The following DNAAF5 variants were observed in gnomAD, a reference collection of about 807,000 sequenced individuals.
The protein encoded by DNAAF5 is dynein axonemal assembly factor 5.
A neutral mutation model predicts 75.8 loss-of-function variants in DNAAF5; 64 were observed. That is an observed-to-expected ratio of 0.84 (90% CI 0.69 to 1.04). The LOEUF is 1.04. Ranked by LOEUF, DNAAF5 falls within the 50% of genes least tolerant of loss-of-function variation. The pLI is 0.00. For synonymous variants in DNAAF5, 657 were observed against 557.2 expected (o/e 1.18, Z -2.52); for missense variants, 1,269 against 1,178.5 (o/e 1.08, Z -1.12).
intron 4 of DNAAF5, among the ~76,000 whole-genome samples, chr7:743,642 C>CT (rs1204447328): frequency 0.3 from 37,253 of 123,706 alleles, 6,662 homozygotes; most frequent in South Asian, 0.47. Context: ...AACGCTCGAT[C>CT]TTTTTTTTTT....
At chr7:767,078 A>C (rs1778326170) in intron 8 of DNAAF5, among the ~76,000 whole-genome samples, 1 of 152,004 alleles carries the variant, frequency 6.6e-6, no homozygotes, top group Non-Finnish European at 1.5e-5. Context: ...TCTCTACTAA[A>C]AATACAAAAA....
At chr7:777,628 TTATC>T (rs1778807206) in intron 11 of DNAAF5, among the ~76,000 whole-genome samples, 1 of 152,162 alleles carries the variant, frequency 6.6e-6, no homozygotes, top group Non-Finnish European at 1.5e-5. Flanking sequence ...CTTAATGTGA[TTATC>T]TATATTTTGT....
In DNAAF5 at chr7:734,423, T is replaced by C. The variant is rs115565153; in HGVS notation, c.780+4576T>C. Among the ~76,000 whole-genome samples the C allele has an allele frequency of 5.8e-3, 885 of 152,368 alleles. 11 individuals are homozygous for C. The highest frequency in any genetic ancestry group is 0.02 in the African/African-American group (838 of 41,584). ...TGATGGATTTGTGTATGTTGAGCCA[T>C]CCTTGCATTCCTGGAATAAATCTCA... On this transcript the variant is annotated intron_variant, in intron 2 of 12. Coordinates refer to ENST00000297440, the MANE Select transcript of DNAAF5 (RefSeq NM_017802.4).
At chr7:773,419 T>C (rs1192145417) in intron 9 of DNAAF5, among the ~76,000 whole-genome samples, 1 of 151,772 alleles carries the variant, frequency 6.6e-6, no homozygotes, top group African/African-American at 2.4e-5. Context: ...CACTAATGAG[T>C]GTGTCATTTT....
chr7:746,792 C>T (rs1300094345), intron 4 of DNAAF5, among the ~76,000 whole-genome samples: 1 of 152,216 alleles, frequency 6.6e-6, no homozygotes, highest in African/African-American at 2.4e-5. Context: ...CCGCCTCTGT[C>T]CCCTGCATGT....
chr7:764,548 C>T (rs1782762644), intron 8 of DNAAF5, among the ~76,000 whole-genome samples: 5 of 152,234 alleles, frequency 3.3e-5, no homozygotes. Flanking sequence ...CGCGGTAGCT[C>T]TTCCTCGTTT....
rs1778679588 is a variant in DNAAF5 at position 774,279 on chromosome 7, A to T, written c.2082+81A>T. 6.3e-6 allele frequency: 9 copies of T among 1,419,730 alleles called. No homozygotes were observed. The South Asian group carries it at 1.1e-4, about 17-fold the overall frequency. The allele number at this position is 1,419,730 out of a possible 1,614,324, so 87.9% of individuals were successfully genotyped here. On this transcript the variant is annotated intron_variant, in intron 10 of 12. Transcript: ENST00000297440. ...TGGCGCCCGGCAGAGCTCCCGCAGCAGGAACTTGGGCAGGCAGCAGCTGCA... is the reference window on the plus strand; with the variant it reads ...TGGCGCCCGGCAGAGCTCCCGCAGCTGGAACTTGGGCAGGCAGCAGCTGCA...
intron 4 of DNAAF5, among the ~76,000 whole-genome samples, chr7:745,012 T>G (rs555961206): frequency 6.6e-6 from 1 of 152,178 alleles, no homozygotes. Flanking sequence ...ATCCCACGCG[T>G]GCTGTGGTGC....
At position 726,948 on chromosome 7, in the gene DNAAF5, A is replaced by G. The variant is rs1178909060; in HGVS notation, c.228A>G (p.Leu76=). 2.3e-6 allele frequency: 3 copies of G among 1,331,644 alleles called. No individual in the cohort carries two copies. In the East Asian group the frequency reaches 1.0e-4, roughly 45 times the overall value. The allele number at this position is 1,331,644 out of a possible 1,614,324, so 82.5% of individuals were successfully genotyped here. A position where few individuals can be genotyped will look rare whatever the true frequency, so the allele number is the denominator to read the frequency against. ...CTTTCCAGGGCCCCTGGGCGCGCCT[A>G]CTGCTGCCGCGCTTGCTGCGCTGCC... ...PTAFQGPWAR[L]LLPRLLRCLS... The change falls in exon 1 of 13, where the codon CTA becomes CTG. Residue 76 remains leucine (L), a synonymous_variant. Coordinates refer to ENST00000297440, the MANE Select transcript of DNAAF5 (RefSeq NM_017802.4).
chr7:733,806 T>A (rs1781655565), intron 2 of DNAAF5, among the ~76,000 whole-genome samples: 1 of 152,182 alleles, frequency 6.6e-6, no homozygotes, highest in African/African-American at 2.4e-5. Flanking sequence ...ATAGTTTTCA[T>A]TGTAGAGATC....
At chr7:769,038 C>A in intron 8 of DNAAF5, 1 of 646,298 alleles carries the variant, frequency 1.5e-6, no homozygotes, top group Admixed American at 2.1e-5. Flanking sequence ...AAGACACCAG[C>A]TGGTCTCACC....
intron 9 of DNAAF5, among the ~76,000 whole-genome samples, chr7:773,176 C>T (rs1778630317): frequency 6.6e-6 from 1 of 152,154 alleles, no homozygotes; most frequent in African/African-American, 2.4e-5. Flanking sequence ...AAAACGAACC[C>T]ACGCCAGAAA....
chr7:745,631 A>G (rs765672616), intron 4 of DNAAF5, among the ~76,000 whole-genome samples: 2 of 152,184 alleles, frequency 1.3e-5, no homozygotes, highest in Non-Finnish European at 2.9e-5. Flanking sequence ...ACACGTGTAC[A>G]TGTATATCCT....
chr7:765,956 G>A (rs1265207328), intron 8 of DNAAF5, among the ~76,000 whole-genome samples: 2 of 152,172 alleles, frequency 1.3e-5, no homozygotes, highest in Non-Finnish European at 2.9e-5. Context: ...AGCCTCCTGA[G>A]TAGCTGGGAC....
chr7:734,938 A>C (rs1278600086), intron 2 of DNAAF5, among the ~76,000 whole-genome samples: 1 of 151,808 alleles, frequency 6.6e-6, no homozygotes, highest in East Asian at 1.9e-4. Flanking sequence ...GTAGTTGCTC[A>C]TATTGTTGCT....
intron 6 of DNAAF5, among the ~76,000 whole-genome samples, chr7:760,561 G>A (rs1282392160): frequency 6.6e-6 from 1 of 152,196 alleles, no homozygotes; most frequent in East Asian, 1.9e-4. Context: ...ACGGCAGGAG[G>A]ATCACTTAAG....
intron 12 of DNAAF5, among the ~76,000 whole-genome samples, chr7:784,354 C>A (rs558666172): frequency 2.6e-5 from 4 of 152,212 alleles, no homozygotes; most frequent in African/African-American, 7.2e-5. Context: ...GCCGCTACCC[C>A]CCTCCCTGAC....
At chr7:764,700 C>G (rs1219688722) in intron 8 of DNAAF5, among the ~76,000 whole-genome samples, 2 of 152,040 alleles carry the variant, frequency 1.3e-5, no homozygotes, top group East Asian at 3.8e-4. Flanking sequence ...AGGGACTCAC[C>G]TTTTTTTTCC....
rs986451865 is a variant in DNAAF5 at position 785,886 on chromosome 7, T to C, written c.*233T>C. The stretch of plus-strand genomic sequence containing the variant: ...GGGCTCCCAAACATCTGCAGCTGAT[T>C]TGAAATTAAAAGTAAGTCGCAGCCG... On this transcript the variant is annotated 3_prime_UTR_variant, in exon 13 of 13. Coordinates refer to ENST00000297440, the MANE Select transcript of DNAAF5 (RefSeq NM_017802.4). The C allele has an allele frequency of 2.0e-6, 1 of 505,398 alleles. No individual in the cohort carries two copies. The highest frequency in any genetic ancestry group is 3.4e-6 in the Non-Finnish European group (1 of 290,670). 31.3% of individuals were successfully genotyped at this position (505,398 alleles called of 1,614,324 possible).
Sources: gnomAD v4.1 joint callset for allele counts (sites outside exome capture counted in the v4.1 genomes callset) on GRCh38, gnomAD v4.1.1 for gene constraint, MANE v1.5 for transcripts, NCBI Gene and HGNC (gene_info 2026-07-23, HGNC 2026-07-21) for gene names.